ZNF709: variants seen among roughly 807,000 people sequenced by gnomAD.
ZNF709 encodes the protein zinc finger protein 709.
Under a neutral mutation model 10.6 loss-of-function variants are expected in ZNF709, and 15 were observed. The observed-to-expected ratio is 1.41, with a 90% CI of 0.95 to 2.18. The LOEUF (loss-of-function observed/expected upper bound fraction) is 2.18, where lower values mean the gene tolerates loss of function less well. Among genes scored for constraint, ZNF709 ranks in the 30% most tolerant of loss-of-function variants. The pLI, the probability that ZNF709 is intolerant of heterozygous loss-of-function variation, is 0.00. For synonymous variants in ZNF709, 194 were observed against 238.8 expected (o/e 0.81, Z 1.73); for missense variants, 589 against 774.0 (o/e 0.76, Z 2.84).
At chr19:12,484,551 C>A in intron 1 of ZNF709, 104 bp downstream of exon 1, 3 of 1,519,168 alleles carry the variant, frequency 2.0e-6, no homozygotes, top group Non-Finnish European at 2.7e-6. Flanking sequence ...TCCACAGACC[C>A]GGGAGACAAC....
intron 1 of ZNF709, among the ~76,000 whole-genome samples, chr19:12,484,203 T>C (rs1970757180): frequency 6.6e-6 from 1 of 152,084 alleles, no homozygotes; most frequent in African/African-American, 2.4e-5. Flanking sequence ...GAGGACACGG[T>C]CGTGGGTTTG....
intron 1 of ZNF709, among the ~76,000 whole-genome samples, chr19:12,483,332 C>G (rs1275085931): frequency 1.0e-4 from 6 of 57,804 alleles, no homozygotes; most frequent in Non-Finnish European, 2.0e-4. Flanking sequence ...TTTTTTTTTT[C>G]TAGTAGAGAT....
intron 1 of ZNF709, among the ~76,000 whole-genome samples, chr19:12,468,719 C>T (rs529128536): frequency 1.3e-5 from 2 of 151,418 alleles, no homozygotes; most frequent in Admixed American, 6.6e-5. Context: ...AAATGCTATA[C>T]GATTGAAGCA....
chr19:12,464,104 A>G lies in ZNF709; in HGVS notation c.1818T>C (p.His606=), dbSNP rs749848613. The part of the protein sequence containing the change: ...AFSCSRSFRI[H]ERTHTGEKPY... ...GTTTCTCTCCAGTGTGAGTTCGTTC[A>G]TGGATTCGAAAGGAACGTGAGCAAC... The change falls in exon 4 of 4, where the codon CAT becomes CAC. Residue 606 remains histidine (H), a synonymous_variant. Coordinates refer to ENST00000397732, the MANE Select transcript of ZNF709 (RefSeq NM_152601.4). 1 of 1,563,006 alleles carries G rather than the reference A, an allele frequency of 6.4e-7. No individual in the cohort carries two copies. Among genetic ancestry groups the G allele is most frequent in the East Asian group, 2.2e-5 (1 of 44,726 alleles).
intron 1 of ZNF709, chr19:12,481,234 C>CT (rs925141707): frequency 4.9e-4 from 473 of 961,904 alleles, no homozygotes; most frequent in South Asian, 9.2e-4. Flanking sequence ...CCAGAGTTTT[C>CT]TTTTTTTTTG....
At position 12,466,812 on chromosome 19, in the gene ZNF709, G is replaced by A; in HGVS notation, c.42C>T (p.Thr14=). The change falls in exon 2 of 4, where the codon ACC becomes ACT. Residue 14 remains threonine (T), a synonymous_variant. Coordinates refer to ENST00000397732, the MANE Select transcript of ZNF709 (RefSeq NM_152601.4). ...VVFEDVAVNF[T]QEEWALLGPS... The stretch of plus-strand genomic sequence containing the variant: ...GACCCAGCAAAGCCCACTCCTCCTG[G>A]GTGAAGTTCACAGCCACATCCTCAA... The A allele has an allele frequency of 6.2e-7, 1 of 1,613,878 alleles. No individual in the cohort carries two copies. The highest frequency in any genetic ancestry group is 8.5e-7 in the Non-Finnish European group (1 of 1,179,908).
intron 1 of ZNF709, among the ~76,000 whole-genome samples, chr19:12,476,139 C>T (rs1342274961): frequency 2.0e-5 from 3 of 152,172 alleles, no homozygotes; most frequent in Non-Finnish European, 2.9e-5. Flanking sequence ...TGCCTGTAAT[C>T]CCAGCACTCT....
In ZNF709 at chr19:12,468,435, A is replaced by C. The variant is rs530527660; in HGVS notation, c.4-1585T>G. On this transcript the variant is annotated intron_variant, in intron 1 of 3. Coordinates refer to ENST00000397732, the MANE Select transcript of ZNF709 (RefSeq NM_152601.4). Reference sequence around the variant, plus strand: ...TCTGAAACATGTGCTGTGTCCACTCAGGGTTAAATGGATTAAGGGCGGTGC... The same window carrying C: ...TCTGAAACATGTGCTGTGTCCACTCCGGGTTAAATGGATTAAGGGCGGTGC... 9.2e-5 allele frequency among the ~76,000 whole-genome samples: 14 copies of C among 152,076 alleles called. 1 individual carries two copies. The South Asian group carries it at 2.9e-3, about 32-fold the overall frequency.
At position 12,461,449 on chromosome 19, in the gene ZNF709, G is replaced by C. The variant is rs1399004737; in HGVS notation, c.*2547C>G. 2.0e-5 allele frequency: 3 copies of C among 151,922 alleles called. No homozygotes were observed. The highest frequency in any genetic ancestry group is 7.3e-5 in the African/African-American group (3 of 41,346). The allele number at this position is 151,922 out of a possible 1,614,324, so 9.4% of individuals were successfully genotyped here. A position where few individuals can be genotyped will look rare whatever the true frequency, so the allele number is the denominator to read the frequency against. On this transcript the variant is annotated 3_prime_UTR_variant, in exon 4 of 4. Transcript: ENST00000397732. ...TGCTTATTCTTACACTGTAGGACTG[G>C]GTAAGTGCATTCCCTGCACAGTGCA...
intron 1 of ZNF709, among the ~76,000 whole-genome samples, chr19:12,482,930 C>A (rs543952227): frequency 9.5e-4 from 145 of 152,094 alleles, no homozygotes; most frequent in South Asian, 1.9e-3. Context: ...TGACCTGGAC[C>A]ACTACTGATA....
intron 1 of ZNF709, among the ~76,000 whole-genome samples, chr19:12,467,053 A>G (rs1278777269): frequency 6.6e-6 from 1 of 152,206 alleles, no homozygotes; most frequent in Non-Finnish European, 1.5e-5. Flanking sequence ...CATTTTTAGT[A>G]TGATCACTTC....
intron 3 of ZNF709, 66 bp downstream of exon 3, chr19:12,466,396 T>G: frequency 6.9e-7 from 1 of 1,451,834 alleles, no homozygotes; most frequent in Non-Finnish European, 9.4e-7. Context: ...TTATTCATTT[T>G]TTAAACCTAA....
rs902527991 is a variant in ZNF709, at chr19:12,461,199, A to G, written c.*2797T>C. Reference sequence around the variant, plus strand: ...TCTGAAAATCTATAATTGCAATGGAATATTTTAATATATCCTTGCAGAAAA... The same window carrying G: ...TCTGAAAATCTATAATTGCAATGGAGTATTTTAATATATCCTTGCAGAAAA... On this transcript the variant is annotated 3_prime_UTR_variant, in exon 4 of 4. Transcript: ENST00000397732. 6.6e-6 allele frequency: 1 copy of G among 152,238 alleles called. No individual in the cohort carries two copies. The highest frequency in any genetic ancestry group is 2.1e-4 in the South Asian group (1 of 4,830). 9.4% of individuals were successfully genotyped at this position (152,238 alleles called of 1,614,324 possible).
chr19:12,481,823 T>A (rs1970729461), intron 1 of ZNF709, among the ~76,000 whole-genome samples: 1 of 150,300 alleles, frequency 6.7e-6, no homozygotes, highest in Non-Finnish European at 1.5e-5. Flanking sequence ...GGGAGGATCA[T>A]TTGAGCCAAG....
rs1970554430 is a variant in ZNF709, at chr19:12,464,890, T to A, written c.1032A>T (p.Ala344=). 6.2e-7 allele frequency: 1 copy of A among 1,613,696 alleles called. No homozygotes were observed. Among genetic ancestry groups the A allele is most frequent in the South Asian group, 1.1e-5 (1 of 91,046 alleles). ...TTCGATAGCTTGGAAGAGAAATGAATGCTTTCCCACATTCCTTACAATCAT... is the reference window on the plus strand; with the variant it reads ...TTCGATAGCTTGGAAGAGAAATGAAAGCTTTCCCACATTCCTTACAATCAT... ...KPYDCKECGK[A]FISLPSYRRH... Residue 344 remains alanine (A), a synonymous_variant, in exon 4 of 4, where the codon GCA becomes GCT. Coordinates refer to ENST00000397732, the MANE Select transcript of ZNF709 (RefSeq NM_152601.4).
rs139547445 is a variant in ZNF709 at position 12,463,842 on chromosome 19, G to A, written c.*154C>T. 1.5e-3 allele frequency: 782 copies of A among 530,812 alleles called. 2 individuals carry two copies. Among genetic ancestry groups the A allele is most frequent in the African/African-American group, 0.014 (678 of 49,580 alleles). The allele number at this position is 530,812 out of a possible 1,614,324, so 32.9% of individuals were successfully genotyped here. On this transcript the variant is annotated 3_prime_UTR_variant, in exon 4 of 4. Coordinates refer to ENST00000397732, the MANE Select transcript of ZNF709 (RefSeq NM_152601.4). ...CTCAGGAAGCTGAGGCAGGAGAATC[G>A]CTTGAACCCAGGAGACAGAGGTTGC...
In ZNF709 at chr19:12,465,287, C is replaced by T. The variant is rs762291246; in HGVS notation, c.635G>A (p.Arg212Gln). 1.6e-5 allele frequency: 26 copies of T among 1,612,496 alleles called. No individual in the cohort carries two copies. Among genetic ancestry groups the T allele is most frequent in the East Asian group, 1.1e-4 (5 of 44,846 alleles). ...GKAFIYHTTF[R>Q]GHMRMHTGEK... ...CCCTGTGTGCATTCTCATGTGTCCT[C>T]GAAAGGTTGTGTGATAAATGAAGGC... Residue 212 changes from arginine to glutamine, a missense_variant, in exon 4 of 4, where the codon CGA becomes CAA. Arg to Gln is a conservative substitution (Grantham distance 43, BLOSUM62 1). Around this residue, in one of 2 missense-constraint regions of ZNF709, gnomAD observed 418 missense variants for 496.3 expected, o/e 0.84. Transcript: ENST00000397732.
Position 12,465,069 on chromosome 19 carries a change from A to G in ZNF709, c.853T>C (p.Cys285Arg), listed in dbSNP as rs1599631197. The G allele has an allele frequency of 6.2e-7, 1 of 1,613,194 alleles. No homozygotes were observed. Among genetic ancestry groups the G allele is most frequent in the Non-Finnish European group, 8.5e-7 (1 of 1,179,722 alleles). The change falls in exon 4 of 4, where the codon TGT becomes CGT. Residue 285 changes from cysteine to arginine, a missense_variant. Physicochemically the swap from Cys to Arg is radical, Grantham distance 180. Coordinates refer to ENST00000397732, the MANE Select transcript of ZNF709 (RefSeq NM_152601.4). Reference protein sequence around the residue: ...TGEKPYQCKQCGKALSCPTSF... With the variant: ...TGEKPYQCKQRGKALSCPTSF... ...GTGGGACAACTAAGAGCTTTACCAC[A>G]TTGCTTACACTGATAGGGTTTTTCC... is the stretch of plus-strand genomic sequence containing the variant.
At chr19:12,483,269 T>G (rs948134583) in intron 1 of ZNF709, among the ~76,000 whole-genome samples, 1 of 151,220 alleles carries the variant, frequency 6.6e-6, no homozygotes, top group African/African-American at 2.4e-5. Context: ...GCCTCCCAAG[T>G]AGCTGGGACT....
Sources: allele counts gnomAD v4.1 joint callset (sites outside exome capture counted in the v4.1 genomes callset), GRCh38; gene constraint gnomAD v4.1.1; regional missense constraint gnomAD v4.1.1; transcripts MANE v1.5; gene names NCBI Gene and HGNC (gene_info 2026-07-23, HGNC 2026-07-21).